The following AKAP9 variants were observed in gnomAD, a reference collection of about 807,000 sequenced individuals.
The protein encoded by AKAP9 is A-kinase anchoring protein 9.
AKAP9 carries 311 observed loss-of-function variants against 488.5 expected under a neutral mutation model. The ratio of observed to expected loss-of-function variants is 0.64; its 90% CI spans 0.58 to 0.70. The LOEUF is 0.70. Ranked by LOEUF, AKAP9 falls within the 30% of genes least tolerant of loss-of-function variation. The pLI is 0.00. For missense variants in AKAP9, 4,215 were observed against 4,374.5 expected (o/e 0.96, Z 1.03); for synonymous variants, 1,462 against 1,483.5 (o/e 0.99, Z 0.33).
At chr7:91,992,528 G>A (rs1290006590) in intron 4 of AKAP9, among the ~76,000 whole-genome samples, 1 of 151,980 alleles carries the variant, frequency 6.6e-6, no homozygotes, top group Non-Finnish European at 1.5e-5. Flanking sequence ...GCCGGGCATG[G>A]TGGCAGCCGC....
chr7:92,087,462 G>A (rs1431619839), intron 37 of AKAP9, among the ~76,000 whole-genome samples: 1 of 152,154 alleles, frequency 6.6e-6, no homozygotes, highest in Non-Finnish European at 1.5e-5. Context: ...GAAATGGACA[G>A]ATTTTCTAAA....
chr7:92,098,198 G>A lies in AKAP9; in HGVS notation c.10697G>A (p.Gly3566Asp), dbSNP rs751134353. The change falls in exon 43 of 50, where the codon GGC (glycine) becomes GAC (aspartate). Residue 3566 changes from glycine to aspartate, a missense_variant. Gly to Asp is a moderately conservative substitution (Grantham distance 94). This residue lies in a region of AKAP9 where 1,476 missense variants were observed against 1,477.4 expected (regional missense o/e 1.00). Transcript: ENST00000356239. ...EIILQLQKLT[G>D]QQGEEPSLVS... ...ATTTTACAACTACAGAAATTAACTGGCCAGCAAGGTGAAGAGGTAATACTT... is the reference window on the plus strand; with the variant it reads ...ATTTTACAACTACAGAAATTAACTGACCAGCAAGGTGAAGAGGTAATACTT... 6.2e-7 allele frequency: 1 copy of A among 1,606,090 alleles called. No individual in the cohort carries two copies. Among genetic ancestry groups the A allele is most frequent in the Admixed American group, 1.7e-5 (1 of 59,978 alleles).
chr7:91,990,543 A>T (rs1335353369), intron 3 of AKAP9, among the ~76,000 whole-genome samples: 2 of 152,158 alleles, frequency 1.3e-5, no homozygotes, highest in Admixed American at 1.3e-4. Flanking sequence ...TCATGTATTA[A>T]TGGTATTTTA....
rs202155234 is a variant in AKAP9, at chr7:92,089,342, T to A, written c.9214-43T>A. The A allele has an allele frequency of 2.7e-5, 43 of 1,607,184 alleles. No homozygotes were observed. The African/African-American group carries it at 5.3e-4, about 20-fold the overall frequency. On this transcript the variant is annotated intron_variant, in intron 37 of 49. Transcript: ENST00000356239. ...TTTCTTGGTTGTTAATTGTATTGCC[T>A]TTACATTGCTCTTCACTTGTTTTTT...
intron 8 of AKAP9, among the ~76,000 whole-genome samples, chr7:92,007,436 GA>G (rs1244329091): frequency 1.3e-5 from 2 of 152,000 alleles, no homozygotes; most frequent in Non-Finnish European, 2.9e-5. Context: ...ATTTTTAGTA[GA>G]GATGGGGTTT....
At chr7:92,101,156 GC>G in intron 45 of AKAP9, 100 bp downstream of exon 45, 1 of 1,194,446 alleles carries the variant, frequency 8.4e-7, no homozygotes, top group Non-Finnish European at 1.2e-6. Flanking sequence ...GAAATTTAGG[GC>G]CTGGCACAGT....
chr7:92,000,552 G>C (rs1486684057), intron 7 of AKAP9, among the ~76,000 whole-genome samples: 1 of 152,174 alleles, frequency 6.6e-6, no homozygotes, highest in Non-Finnish European at 1.5e-5. Context: ...TAACAGTTTG[G>C]AGACATCTAA....
chr7:92,093,059 C>T (rs1815910770), intron 38 of AKAP9, 38 bp from the exon 39 acceptor site: 3 of 1,550,004 alleles, frequency 1.9e-6, no homozygotes, highest in Non-Finnish European at 8.9e-7. Context: ...ATATGAGTTG[C>T]TTGATTATGT....
intron 3 of AKAP9, among the ~76,000 whole-genome samples, chr7:91,982,159 TTACG>T (rs908602135): frequency 8.7e-5 from 13 of 148,994 alleles, no homozygotes; most frequent in African/African-American, 3.0e-4. Context: ...TCTAAGTATT[TTACG>T]TACGTATGTA....
chr7:91,947,075 C>T (rs1480639281), intron 1 of AKAP9, among the ~76,000 whole-genome samples: 2 of 151,950 alleles, frequency 1.3e-5, no homozygotes, highest in Non-Finnish European at 2.9e-5. Context: ...TATGTAATTG[C>T]TTAACATCCA....
Position 92,070,082 on chromosome 7 carries a change from T to C in AKAP9, c.6383T>C (p.Leu2128Pro). Residue 2128 changes from leucine to proline, a missense_variant, in exon 27 of 50, where the codon CTT (leucine) becomes CCT (proline). Leu to Pro is a moderately conservative substitution (Grantham distance 98, BLOSUM62 -3). Transcript: ENST00000356239. Reference sequence around the variant, plus strand: ...GAAAAAACAGACAAATGCAGTGAGCTTTTGCTCTCTAAAGAGCAGCTTCAA... The same window carrying C: ...GAAAAAACAGACAAATGCAGTGAGCCTTTGCTCTCTAAAGAGCAGCTTCAA... ...LKEKTDKCSE[L>P]LLSKEQLQRD... 6.2e-7 allele frequency: 1 copy of C among 1,613,852 alleles called. No homozygotes were observed. Among genetic ancestry groups the C allele is most frequent in the Non-Finnish European group, 8.5e-7 (1 of 1,179,894 alleles).
At chr7:92,094,885 G>C in intron 39 of AKAP9, 138 bp from the exon 40 acceptor site, 1 of 709,792 alleles carries the variant, frequency 1.4e-6, no homozygotes, top group Non-Finnish European at 2.4e-6. Context: ...CCCCAGTCAA[G>C]AATCTTTAAT....
intron 26 of AKAP9, among the ~76,000 whole-genome samples, chr7:92,066,844 G>C (rs1810851215): frequency 1.3e-5 from 2 of 152,070 alleles, no homozygotes; most frequent in Admixed American, 6.6e-5. Flanking sequence ...TGTGTTCACT[G>C]TTTACTTTCC....
In AKAP9 at chr7:92,079,942, A is replaced by G. The variant is rs1813236987; in HGVS notation, c.7809A>G (p.Ala2603=). The stretch of plus-strand genomic sequence containing the variant: ...ATGAGTTGGGGTCAGATATATCAGC[A>G]TTAACCTTGAGAATATCAGAATTAG... ...REDELGSDIS[A]LTLRISELES... is the part of the protein sequence containing the mutation. The change falls in exon 31 of 50, where the codon GCA becomes GCG. Residue 2603 remains alanine (A), a synonymous_variant. Transcript: ENST00000356239. 2 of 1,606,738 alleles carry G rather than the reference A, an allele frequency of 1.2e-6. No homozygotes were observed. Among genetic ancestry groups the G allele is most frequent in the African/African-American group, 1.3e-5 (1 of 74,438 alleles).
chr7:91,947,157 G>A (rs1355031709), intron 1 of AKAP9, among the ~76,000 whole-genome samples: 2 of 120,798 alleles, frequency 1.7e-5, no homozygotes, highest in Non-Finnish European at 3.6e-5. Context: ...TGGTGTCTGG[G>A]GTGTGTGTGT....
At chr7:92,064,161 AT>A (rs1471739464) in intron 24 of AKAP9, among the ~76,000 whole-genome samples, 1 of 152,140 alleles carries the variant, frequency 6.6e-6, no homozygotes, top group African/African-American at 2.4e-5. Flanking sequence ...CTCCTTCTAA[AT>A]CAGGAAGTAT....
In AKAP9 at chr7:92,097,628, GTTC is replaced by G; in HGVS notation, c.10445_10447del (p.Leu3482del). ...AACCAGTGATAGAACTAGAAATTGG[GTTC>G]TTCAACAGAAAATAGAAGGAGAAAC... is the stretch of plus-strand genomic sequence containing the variant. On this transcript the variant is annotated inframe_deletion, in exon 42 of 50. Transcript: ENST00000356239. 1 of 1,613,908 alleles carries G rather than the reference GTTC, an allele frequency of 6.2e-7. No individual in the cohort carries two copies.
At chr7:92,044,442 A>G (rs1308107487) in intron 20 of AKAP9, among the ~76,000 whole-genome samples, 1 of 152,214 alleles carries the variant, frequency 6.6e-6, no homozygotes, top group Non-Finnish European at 1.5e-5. Flanking sequence ...TTAAAAACAC[A>G]TCGCTGCCTA....
In AKAP9 at chr7:92,061,436, C is replaced by T. The variant is rs1264652574; in HGVS notation, c.5764+14C>T. 10 of 1,611,960 alleles carry T rather than the reference C, an allele frequency of 6.2e-6. No homozygotes were observed. Among genetic ancestry groups the T allele is most frequent in the South Asian group, 2.2e-5 (2 of 91,014 alleles). ...GTAAGGCTGAGGGTGAGCAATTTGCCATTGACAACTAAGGGTAGAGAAATT... is the reference window on the plus strand; with the variant it reads ...GTAAGGCTGAGGGTGAGCAATTTGCTATTGACAACTAAGGGTAGAGAAATT... On this transcript the variant is annotated intron_variant, in intron 23 of 49. Transcript: ENST00000356239.
Sources: allele counts gnomAD v4.1 joint callset (sites outside exome capture counted in the v4.1 genomes callset), GRCh38; gene constraint gnomAD v4.1.1; regional missense constraint gnomAD v4.1.1; transcripts MANE v1.5; gene names NCBI Gene and HGNC (gene_info 2026-07-23, HGNC 2026-07-21).